Variants in MFSD1 observed in about 807,000 individuals in gnomAD.
MFSD1 encodes the protein lysosomal dipeptide transporter MFSD1.
In MFSD1, 59 loss-of-function variants were observed where a neutral mutation model predicts 67.1. The ratio of observed to expected loss-of-function variants is 0.88; its 90% CI spans 0.71 to 1.09. The LOEUF is 1.09. Ranked by LOEUF, MFSD1 falls within the 50% of genes least tolerant of loss-of-function variation. The pLI is 0.00. For missense variants in MFSD1, 552 were observed against 566.1 expected (o/e 0.97, Z 0.25); for synonymous variants, 213 against 200.3 (o/e 1.06, Z -0.54).
At chr3:158,815,737 T>G (rs1029997326) in intron 7 of MFSD1, among the ~76,000 whole-genome samples, 2 of 151,838 alleles carry the variant, frequency 1.3e-5, no homozygotes, top group Non-Finnish European at 2.9e-5. Context: ...TGTGCCATGC[T>G]GGTGTGCTGC....
intron 15 of MFSD1, 83 bp downstream of exon 15, chr3:158,827,420 GTT>G (rs61485884): frequency 0.018 from 8,646 of 467,668 alleles, no homozygotes; most frequent in South Asian, 0.028. Flanking sequence ...GGGCTTTGAA[GTT>G]TTTTTTTTTT....
intron 7 of MFSD1, among the ~76,000 whole-genome samples, chr3:158,815,752 A>G (rs1730295839): frequency 1.3e-5 from 2 of 151,576 alleles, no homozygotes; most frequent in Admixed American, 6.6e-5. Context: ...TGCTGCACCC[A>G]TTAACTCGTC....
chr3:158,802,107 G>T lies in MFSD1; in HGVS notation c.-46G>T, dbSNP rs370196001. ...TCCACGGGCGCTGCTTCCTGCCTGG[G>T]TTTGGAGTTGTCACCACTTTCCCCT... is the stretch of plus-strand genomic sequence containing the variant. On this transcript the variant is annotated 5_prime_UTR_variant, in exon 1 of 16. Transcript: ENST00000415822. The T allele has an allele frequency of 6.9e-6, 11 of 1,603,784 alleles. No homozygotes were observed. The highest frequency in any genetic ancestry group is 4.0e-5 in the African/African-American group (3 of 74,866).
intron 10 of MFSD1, 152 bp from the exon 11 acceptor site, chr3:158,821,832 G>A (rs1219850160): frequency 3.0e-6 from 3 of 1,007,222 alleles, no homozygotes; most frequent in Non-Finnish European, 4.4e-6. Context: ...AACCAAAGAA[G>A]TCTTGAACTG....
At chr3:158,812,955 AT>A (rs1730112775) in intron 6 of MFSD1, among the ~76,000 whole-genome samples, 1 of 151,998 alleles carries the variant, frequency 6.6e-6, no homozygotes, top group Non-Finnish European at 1.5e-5. Flanking sequence ...TCCCTCAGGT[AT>A]CCCCACAGTT....
chr3:158,816,027 C>T (rs1730317875), intron 7 of MFSD1, among the ~76,000 whole-genome samples: 1 of 151,948 alleles, frequency 6.6e-6, no homozygotes, highest in Non-Finnish European at 1.5e-5. Flanking sequence ...TGTATATGTG[C>T]CACATTTTCT....
rs1323801524 is a variant in MFSD1, at chr3:158,821,173, C to CTGTTTTT, written c.864-424_864-423insTGTTTTT. 6.6e-3 allele frequency among the ~76,000 whole-genome samples: 998 copies of CTGTTTTT among 152,236 alleles called. 7 individuals carry two copies. The highest frequency in any genetic ancestry group is 0.022 in the African/African-American group (918 of 41,522). ...TTTTCATTGGCAGCTGCTTAAGCAG[C>CTGTTTTT]GCAATGTAAGTGTGTTTGTGTAAGG... On this transcript the variant is annotated intron_variant, in intron 9 of 15. Transcript: ENST00000415822.
chr3:158,818,876 C>G (rs75327416), intron 7 of MFSD1, among the ~76,000 whole-genome samples: 58 of 152,250 alleles, frequency 3.8e-4, no homozygotes, highest in African/African-American at 1.3e-3. Context: ...AGGTCAAATC[C>G]TCTTATTTAA....
intron 6 of MFSD1, among the ~76,000 whole-genome samples, chr3:158,811,612 G>A (rs1430318448): frequency 6.6e-6 from 1 of 152,192 alleles, no homozygotes; most frequent in African/African-American, 2.4e-5. Context: ...TGGGCAGAAA[G>A]GCAAGGGGGA....
intron 14 of MFSD1, 33 bp from the exon 15 acceptor site, chr3:158,827,247 T>C (rs758120918): frequency 5.1e-6 from 7 of 1,368,966 alleles, no homozygotes; most frequent in East Asian, 4.8e-5. Flanking sequence ...ATAATACTTA[T>C]ATGGAAAAGA....
intron 7 of MFSD1, among the ~76,000 whole-genome samples, chr3:158,817,431 T>C (rs1396085863): frequency 6.6e-6 from 1 of 152,116 alleles, no homozygotes; most frequent in Non-Finnish European, 1.5e-5. Flanking sequence ...GTATAAAAAT[T>C]TCAAGCATTC....
At chr3:158,812,716 A>T (rs1730095349) in intron 6 of MFSD1, among the ~76,000 whole-genome samples, 1 of 152,170 alleles carries the variant, frequency 6.6e-6, no homozygotes, top group African/African-American at 2.4e-5. Flanking sequence ...TCAAAGTATC[A>T]TGCCACTTCT....
In MFSD1 at chr3:158,817,587, A is replaced by G. The variant is rs367568225; in HGVS notation, c.653-2062A>G. 4.6e-5 allele frequency among the ~76,000 whole-genome samples: 7 copies of G among 152,326 alleles called. No individual in the cohort carries two copies. In the East Asian group the frequency reaches 1.2e-3, roughly 25 times the overall value. ...AAGGAGAACTACAAACCACTGCTCA[A>G]TAAAATAAAAGAGGATACAAACAAA... On this transcript the variant is annotated intron_variant, in intron 7 of 15. Coordinates refer to ENST00000415822, the MANE Select transcript of MFSD1 (RefSeq NM_022736.4).
chr3:158,821,922 T>C, intron 10 of MFSD1, 62 bp from the exon 11 acceptor site: 2 of 1,540,686 alleles, frequency 1.3e-6, no homozygotes, highest in Non-Finnish European at 1.8e-6. Flanking sequence ...TTCAAGACTT[T>C]CTTGAAACTG....
chr3:158,809,039 C>G, intron 5 of MFSD1, 140 bp from the exon 6 acceptor site: 1 of 554,612 alleles, frequency 1.8e-6, no homozygotes, highest in Non-Finnish European at 3.1e-6. Flanking sequence ...AGTCACAAGC[C>G]CACCTGGATT....
intron 15 of MFSD1, 83 bp downstream of exon 15, chr3:158,827,420 G>GTTTTT (rs61485884): frequency 4.6e-5 from 22 of 477,348 alleles, no homozygotes; most frequent in Non-Finnish European, 5.6e-5. Context: ...GGGCTTTGAA[G>GTTTTT]TTTTTTTTTT....
intron 6 of MFSD1, among the ~76,000 whole-genome samples, chr3:158,810,286 A>G (rs1168631117): frequency 6.6e-6 from 1 of 152,172 alleles, no homozygotes; most frequent in African/African-American, 2.4e-5. Context: ...TTTTTCTCTC[A>G]AGAATTCCCA....
At chr3:158,824,637 G>A (rs1730863752) in intron 13 of MFSD1, among the ~76,000 whole-genome samples, 1 of 152,060 alleles carries the variant, frequency 6.6e-6, no homozygotes, top group South Asian at 2.1e-4. Flanking sequence ...GTTTTTACCT[G>A]TAATTTCATT....
Position 158,809,257 on chromosome 3 carries a change from G to A in MFSD1, c.519G>A (p.Val173=). 2 of 1,609,970 alleles carry A rather than the reference G, an allele frequency of 1.2e-6. No homozygotes were observed. The highest frequency in any genetic ancestry group is 1.7e-6 in the Non-Finnish European group (2 of 1,178,620). ...TTAAAGGCAAAGAATTAAACCTGGT[G>A]TTTGGACTTCAACTTAGCATGGCTA... ...SWFKGKELNL[V]FGLQLSMARI... The change falls in exon 6 of 16, where the codon GTG becomes GTA. Residue 173 remains valine, a synonymous_variant. Coordinates refer to ENST00000415822, the MANE Select transcript of MFSD1 (RefSeq NM_022736.4).
Sources: gnomAD v4.1 joint callset for allele counts (sites outside exome capture counted in the v4.1 genomes callset) on GRCh38, gnomAD v4.1.1 for gene constraint, MANE v1.5 for transcripts, NCBI Gene and HGNC (gene_info 2026-07-23, HGNC 2026-07-21) for gene names.